Variants in TMEM232 observed in about 807,000 individuals in gnomAD.
TMEM232 encodes transmembrane protein 232.
TMEM232 carries 80 observed loss-of-function variants against 78.8 expected under a neutral mutation model. The observed-to-expected ratio is 1.01, with a 90% CI of 0.85 to 1.22. TMEM232 has a LOEUF of 1.22. TMEM232 is among the 50% of genes most tolerant of loss of function. TMEM232 has a pLI of 0.00. For synonymous variants in TMEM232, 297 were observed against 254.3 expected (o/e 1.17, Z -1.60); for missense variants, 881 against 742.2 (o/e 1.19, Z -2.17).
chr5:110,642,894 A>G (rs1274513264), intron 2 of TMEM232, among the ~76,000 whole-genome samples: 1 of 152,076 alleles, frequency 6.6e-6, no homozygotes, highest in Non-Finnish European at 1.5e-5. Context: ...GCAGGGTTTG[A>G]GAAGAGGCGT....
intron 12 of TMEM232, among the ~76,000 whole-genome samples, chr5:110,505,178 G>T (rs554267525): frequency 6.6e-6 from 1 of 152,162 alleles, no homozygotes; most frequent in African/African-American, 2.4e-5. Flanking sequence ...GGACAAGTCA[G>T]TTAAACTTGT....
chr5:110,627,323 A>T (rs2149946915), intron 6 of TMEM232, among the ~76,000 whole-genome samples: 1 of 152,120 alleles, frequency 6.6e-6, no homozygotes, highest in African/African-American at 2.4e-5. Context: ...CTGAGTCACA[A>T]AAAAGCTCAT....
At chr5:110,439,339 TTTAA>T (rs1173447004) in intron 12 of TMEM232, among the ~76,000 whole-genome samples, 2 of 152,222 alleles carry the variant, frequency 1.3e-5, no homozygotes, top group African/African-American at 2.4e-5. Context: ...ATTGTAACTA[TTTAA>T]TTAATCTCGT....
intron 7 of TMEM232, 109 bp downstream of exon 7, chr5:110,625,158 C>T: frequency 8.4e-7 from 1 of 1,196,954 alleles, no homozygotes; most frequent in East Asian, 2.9e-5. Flanking sequence ...CACAGCTAAA[C>T]TCATCATTCC....
chr5:110,712,081 G>C (rs577860023), intron 1 of TMEM232, among the ~76,000 whole-genome samples: 1 of 136,678 alleles, frequency 7.3e-6, no homozygotes, highest in African/African-American at 2.7e-5. Flanking sequence ...CAGCCTGGGG[G>C]ACAGACAGAG....
chr5:110,512,344 G>T (rs1042405848), intron 12 of TMEM232, among the ~76,000 whole-genome samples: 1 of 152,110 alleles, frequency 6.6e-6, no homozygotes, highest in Non-Finnish European at 1.5e-5. Context: ...AACTTTTGGT[G>T]GACAACCAAC....
chr5:110,727,519 G>A (rs1445990756), upstream of TMEM232, among the ~76,000 whole-genome samples: 2 of 152,092 alleles, frequency 1.3e-5, no homozygotes, highest in African/African-American at 2.4e-5. Context: ...TGAGGCAGGA[G>A]AATTGCTTGA....
chr5:110,547,900 A>C (rs1773972741), intron 11 of TMEM232, among the ~76,000 whole-genome samples: 1 of 146,118 alleles, frequency 6.8e-6, no homozygotes, highest in East Asian at 2.2e-4. Context: ...CAGGAGTCTG[A>C]GGCAGGAGAA....
chr5:110,442,097 T>C (rs1421096416), intron 12 of TMEM232, among the ~76,000 whole-genome samples: 1 of 152,128 alleles, frequency 6.6e-6, no homozygotes, highest in Non-Finnish European at 1.5e-5. Context: ...CTTGAGGAAG[T>C]CTTCTTTGGG....
rs77442289 is a variant in TMEM232, at chr5:110,402,754, A to T, written n.309-4900T>A. Among the ~76,000 whole-genome samples the T allele has an allele frequency of 2.9e-4, 44 of 152,204 alleles. No homozygotes were observed. In the East Asian group the frequency reaches 8.1e-3, roughly 28 times the overall value. On this transcript the variant is annotated intron_variant and non_coding_transcript_variant, in intron 2 of 8. Coordinates refer to the TMEM232 transcript ENST00000507188. Reference sequence around the variant, plus strand: ...TCCATTGACTCAAGACTCAAAGTCCAGATGTCCAGATAGCCTACAATGAAT... The same window carrying T: ...TCCATTGACTCAAGACTCAAAGTCCTGATGTCCAGATAGCCTACAATGAAT...
chr5:110,415,491 C>CT (rs1012997462), downstream of TMEM232, among the ~76,000 whole-genome samples: 1,085 of 145,748 alleles, frequency 7.4e-3, 11 homozygotes, highest in African/African-American at 0.024. Flanking sequence ...CCGACCCCAA[C>CT]TTTTTTTTTT....
intron 12 of TMEM232, among the ~76,000 whole-genome samples, chr5:110,499,438 G>A (rs1326954238): frequency 6.6e-6 from 1 of 151,970 alleles, no homozygotes; most frequent in Non-Finnish European, 1.5e-5. Flanking sequence ...AATTTTATTT[G>A]TAGAGACAGG....
chr5:110,593,898 T>C (rs1779833588), intron 10 of TMEM232, among the ~76,000 whole-genome samples: 1 of 152,092 alleles, frequency 6.6e-6, no homozygotes, highest in Non-Finnish European at 1.5e-5. Context: ...TTATTACACA[T>C]TGAATGCCTG....
intron 11 of TMEM232, among the ~76,000 whole-genome samples, chr5:110,557,225 C>T (rs1211597287): frequency 6.6e-6 from 1 of 152,128 alleles, no homozygotes; most frequent in East Asian, 1.9e-4. Flanking sequence ...TCTATCAGAT[C>T]AGTTTTGTTC....
chr5:110,502,256 T>C (rs1766348027), intron 12 of TMEM232, among the ~76,000 whole-genome samples: 1 of 152,130 alleles, frequency 6.6e-6, no homozygotes. Flanking sequence ...AGGCTAGTAA[T>C]GGTTTGCCAG....
intron 12 of TMEM232, among the ~76,000 whole-genome samples, chr5:110,449,986 G>C (rs1760090082): frequency 6.6e-6 from 1 of 152,144 alleles, no homozygotes; most frequent in Non-Finnish European, 1.5e-5. Flanking sequence ...GAGGGACGTG[G>C]AGGGAGGTGA....
chr5:110,629,371 T>C (rs1344861489), intron 5 of TMEM232, among the ~76,000 whole-genome samples: 1 of 152,172 alleles, frequency 6.6e-6, no homozygotes, highest in African/African-American at 2.4e-5. Context: ...AGACTATCTT[T>C]AGTTATAGCT....
chr5:110,533,948 C>CT (rs1771935554), intron 11 of TMEM232, among the ~76,000 whole-genome samples: 1 of 152,172 alleles, frequency 6.6e-6, no homozygotes, highest in Non-Finnish European at 1.5e-5. Flanking sequence ...AAAGATATAA[C>CT]TTCTCAGTGT....
intron 12 of TMEM232, among the ~76,000 whole-genome samples, chr5:110,453,570 G>C (rs1361112403): frequency 6.6e-6 from 1 of 152,136 alleles, no homozygotes; most frequent in Non-Finnish European, 1.5e-5. Context: ...CAAAGTGCTG[G>C]GATTACAGGC....
Sources: gnomAD v4.1 joint callset for allele counts (sites outside exome capture counted in the v4.1 genomes callset) on GRCh38, gnomAD v4.1.1 for gene constraint, MANE v1.5 for transcripts, NCBI Gene and HGNC (gene_info 2026-07-23, HGNC 2026-07-21) for gene names.